The following XKR6 variants were observed in gnomAD, a reference collection of about 807,000 sequenced individuals.
XKR6 encodes XK related 6, also known as XK-related protein 6.
XKR6 carries 22 observed loss-of-function variants against 56.7 expected under a neutral mutation model. That is an observed-to-expected ratio of 0.39 (90% CI 0.28 to 0.55). The LOEUF (loss-of-function observed/expected upper bound fraction) is 0.55, where lower values mean the gene tolerates loss of function less well. Among genes scored for constraint, XKR6 ranks in the 20% least tolerant of loss-of-function variants. The pLI is 0.66. For missense variants in XKR6, 852 were observed against 889.0 expected, an observed-to-expected ratio of 0.96 and a Z score of 0.53; for synonymous variants, 524 against 387.8, an observed-to-expected ratio of 1.35 and a Z score of -4.13.
chr8:11,064,485 T>C (rs1249754095), intron 1 of XKR6, among the ~76,000 whole-genome samples: 1 of 152,182 alleles, frequency 6.6e-6, no homozygotes, highest in Admixed American at 6.5e-5. Context: ...AGCAGAATAA[T>C]TTATAGAAAG....
At chr8:11,000,082 TAA>T (rs1167113970) in intron 1 of XKR6, among the ~76,000 whole-genome samples, 1 of 152,152 alleles carries the variant, frequency 6.6e-6, no homozygotes, top group African/African-American at 2.4e-5. Context: ...ACACTCATGT[TAA>T]AGACAAAGAA....
chr8:10,947,168 G>T (rs1034957928), intron 1 of XKR6, among the ~76,000 whole-genome samples: 2 of 152,164 alleles, frequency 1.3e-5, no homozygotes, highest in African/African-American at 4.8e-5. Context: ...CTCCATGGTG[G>T]TAATGCTGGC....
At chr8:10,912,791 C>T (rs1800441581) in intron 2 of XKR6, among the ~76,000 whole-genome samples, 1 of 133,714 alleles carries the variant, frequency 7.5e-6, no homozygotes, top group African/African-American at 2.9e-5. Context: ...TGTATGTGTG[C>T]ATATATATAG....
intron 1 of XKR6, chr8:11,124,143 T>C: frequency 2.6e-6 from 1 of 378,872 alleles, no homozygotes. Flanking sequence ...TGATTCTAAT[T>C]TACTGGCATT....
At chr8:10,959,610 A>G (rs554799239) in intron 1 of XKR6, among the ~76,000 whole-genome samples, 2 of 152,212 alleles carry the variant, frequency 1.3e-5, no homozygotes, top group Non-Finnish European at 2.9e-5. Flanking sequence ...GTCTTCTTAT[A>G]TGGACACTAA....
At chr8:10,994,857 C>T (rs1798074327) in intron 1 of XKR6, among the ~76,000 whole-genome samples, 1 of 152,082 alleles carries the variant, frequency 6.6e-6, no homozygotes, top group Non-Finnish European at 1.5e-5. Flanking sequence ...TAAATTTTAG[C>T]CCAGAAAAAG....
chr8:11,036,793 G>A (rs1563360649), intron 1 of XKR6, among the ~76,000 whole-genome samples: 2 of 152,180 alleles, frequency 1.3e-5, no homozygotes, highest in African/African-American at 4.8e-5. Context: ...TAACAACTGG[G>A]AGGCCACCTT....
intron 1 of XKR6, among the ~76,000 whole-genome samples, chr8:11,071,327 C>T (rs1286487841): frequency 1.3e-5 from 2 of 152,202 alleles, no homozygotes; most frequent in Non-Finnish European, 2.9e-5. Flanking sequence ...GCAACCTCCA[C>T]CTCCTGGGTT....
chr8:11,130,349 A>G (rs1378361118), intron 1 of XKR6, among the ~76,000 whole-genome samples: 1 of 151,536 alleles, frequency 6.6e-6, no homozygotes, highest in Non-Finnish European at 1.5e-5. Context: ...CCAAAGCACA[A>G]GTGTTTTATC....
intron 1 of XKR6, among the ~76,000 whole-genome samples, chr8:11,168,414 A>G (rs1802194509): frequency 6.6e-6 from 1 of 152,240 alleles, no homozygotes; most frequent in Non-Finnish European, 1.5e-5. Context: ...AAGCACTGAC[A>G]CAACTAAAGT....
At chr8:11,095,227 T>G (rs890323107) in intron 1 of XKR6, among the ~76,000 whole-genome samples, 1 of 152,260 alleles carries the variant, frequency 6.6e-6, no homozygotes, top group African/African-American at 2.4e-5. Flanking sequence ...TTCCCCAAAC[T>G]GCAAATATTA....
At chr8:11,056,956 G>T (rs1246011928) in intron 1 of XKR6, among the ~76,000 whole-genome samples, 2 of 152,142 alleles carry the variant, frequency 1.3e-5, no homozygotes, top group Non-Finnish European at 2.9e-5. Context: ...AGGCAAGGTG[G>T]ATTCTACCCC....
At chr8:11,057,403 G>C (rs1432137489) in intron 1 of XKR6, among the ~76,000 whole-genome samples, 1 of 152,200 alleles carries the variant, frequency 6.6e-6, no homozygotes, top group African/African-American at 2.4e-5. Flanking sequence ...CAAAGGAGAG[G>C]CTCAAAAACC....
intron 1 of XKR6, among the ~76,000 whole-genome samples, chr8:11,079,685 C>A (rs949164965): frequency 2.6e-5 from 4 of 152,220 alleles, no homozygotes; most frequent in African/African-American, 4.8e-5. Flanking sequence ...AGGGACCAGG[C>A]ACGGTGGTTC....
In XKR6 at chr8:10,946,853, T is replaced by C. The variant is rs1001993393; in HGVS notation, c.765-22023A>G. 2.0e-5 allele frequency among the ~76,000 whole-genome samples: 3 copies of C among 152,058 alleles called. No homozygotes were observed. The East Asian group carries it at 5.8e-4, about 29-fold the overall frequency. On this transcript the variant is annotated intron_variant, in intron 1 of 2. Transcript: ENST00000416569. ...CATTGCTAGGCATGAGATATTTCTGTCAGAGGCACTGGAGCTGAGTGCTCA... is the reference window on the plus strand; with the variant it reads ...CATTGCTAGGCATGAGATATTTCTGCCAGAGGCACTGGAGCTGAGTGCTCA...
At chr8:11,114,725 ATATGTGTGTGTGTGTGTGTGTG>A (rs1799079316) in intron 1 of XKR6, among the ~76,000 whole-genome samples, 2 of 77,628 alleles carry the variant, frequency 2.6e-5, no homozygotes, top group South Asian at 4.2e-4. Flanking sequence ...CTTAGATCAC[ATATGTGTGTGTGTGTGTGTGTG>A]TGTGTGTGTG....
At chr8:11,090,729 T>C (rs1431219772) in intron 1 of XKR6, among the ~76,000 whole-genome samples, 1 of 151,856 alleles carries the variant, frequency 6.6e-6, no homozygotes, top group Non-Finnish European at 1.5e-5. Context: ...ATAAATTGGG[T>C]CTTTTTTTCC....
At chr8:10,900,507 G>C (rs186113679) in intron 2 of XKR6, among the ~76,000 whole-genome samples, 1 of 152,282 alleles carries the variant, frequency 6.6e-6, no homozygotes, top group African/African-American at 2.4e-5. Flanking sequence ...CCTGTTAACT[G>C]TTACAATGGG....
At chr8:11,092,586 G>C (rs531104960) in intron 1 of XKR6, among the ~76,000 whole-genome samples, 1 of 152,154 alleles carries the variant, frequency 6.6e-6, no homozygotes, top group Non-Finnish European at 1.5e-5. Flanking sequence ...AGAAACTGCT[G>C]ATCTCACGTT....
Sources: allele counts gnomAD v4.1 joint callset (sites outside exome capture counted in the v4.1 genomes callset), GRCh38; gene constraint gnomAD v4.1.1; transcripts MANE v1.5; gene names NCBI Gene and HGNC (gene_info 2026-07-23, HGNC 2026-07-21).